The following HDAC4 variants were observed in gnomAD, a reference collection of about 807,000 sequenced individuals.
HDAC4 encodes histone deacetylase A.
A neutral mutation model predicts 135.1 loss-of-function variants in HDAC4; 16 were observed. That is an observed-to-expected ratio of 0.12 (90% CI 0.08 to 0.18). HDAC4 has a LOEUF of 0.18. HDAC4 is among the 10% of genes least tolerant of loss of function. HDAC4 has a pLI of 1.00. For synonymous variants in HDAC4, 685 were observed against 653.4 expected (o/e 1.05, Z -0.74); for missense variants, 1,143 against 1,511.8 (o/e 0.76, Z 4.05).
chr2:239,092,596 G>A (rs1192292060), intron 17 of HDAC4, among the ~76,000 whole-genome samples: 2 of 152,186 alleles, frequency 1.3e-5, no homozygotes, highest in Non-Finnish European at 2.9e-5. Flanking sequence ...AGCTTCTGGA[G>A]TCTTGCACAG....
chr2:239,121,073 T>C (rs2039646873), intron 12 of HDAC4, among the ~76,000 whole-genome samples: 1 of 150,706 alleles, frequency 6.6e-6, no homozygotes, highest in Non-Finnish European at 1.5e-5. Flanking sequence ...TAGGCAGTCC[T>C]CCCACCTCAG....
intron 1 of HDAC4, among the ~76,000 whole-genome samples, chr2:239,392,410 T>C (rs546052607): frequency 1.3e-5 from 2 of 152,282 alleles, no homozygotes; most frequent in Non-Finnish European, 2.9e-5. Flanking sequence ...CCTATGAGGA[T>C]TTTTTCAGTG....
At chr2:239,357,784 G>A (rs1462374510) in intron 1 of HDAC4, among the ~76,000 whole-genome samples, 1 of 151,122 alleles carries the variant, frequency 6.6e-6, no homozygotes, top group Non-Finnish European at 1.5e-5. Context: ...AGCTACTCGG[G>A]AGGCTGAGGT....
At chr2:239,191,004 A>G (rs756150868) in intron 3 of HDAC4, 1 of 464,926 alleles carries the variant, frequency 2.2e-6, no homozygotes, top group Non-Finnish European at 4.4e-6. Context: ...CTCCTGGCAC[A>G]GCCCAGGGAC....
intron 2 of HDAC4, among the ~76,000 whole-genome samples, chr2:239,283,270 G>T (rs1403333900): frequency 6.6e-6 from 1 of 152,218 alleles, no homozygotes; most frequent in Non-Finnish European, 1.5e-5. Flanking sequence ...AGGAACTGAG[G>T]CTTAAGCTAA....
chr2:239,051,072 GAGA>G lies in HDAC4; in HGVS notation c.*2022_*2024del, dbSNP rs1225055264. 4 of 152,686 alleles carry G rather than the reference GAGA, an allele frequency of 2.6e-5. No individual in the cohort carries two copies. Among genetic ancestry groups the G allele is most frequent in the African/African-American group, 9.6e-5 (4 of 41,470 alleles). 9.5% of individuals were successfully genotyped at this position (152,686 alleles called of 1,614,324 possible). ...GAATTCTATCCTGACGATGTGGTCAGAGAAGTTTAAACATGAGTTTCATTAATG... is the reference window on the plus strand; with the variant it reads ...GAATTCTATCCTGACGATGTGGTCAGAGTTTAAACATGAGTTTCATTAATG... On this transcript the variant is annotated 3_prime_UTR_variant, in exon 27 of 27. Coordinates refer to ENST00000543185, the MANE Select transcript of HDAC4 (RefSeq NM_001378414.1).
chr2:239,300,807 C>G (rs1027211521), intron 2 of HDAC4, among the ~76,000 whole-genome samples: 4 of 152,236 alleles, frequency 2.6e-5, no homozygotes, highest in African/African-American at 7.2e-5. Context: ...CATAATTGCA[C>G]GCTGCGTGAT....
At chr2:239,229,785 G>C (rs1337544500) in intron 3 of HDAC4, among the ~76,000 whole-genome samples, 1 of 152,092 alleles carries the variant, frequency 6.6e-6, no homozygotes, top group Non-Finnish European at 1.5e-5. Context: ...TCGTTATGTG[G>C]ATGAGGCCTC....
intron 2 of HDAC4, among the ~76,000 whole-genome samples, chr2:239,243,068 G>A (rs1196795015): frequency 6.9e-6 from 1 of 145,796 alleles, no homozygotes; most frequent in Non-Finnish European, 1.5e-5. Context: ...CTGAAGACTT[G>A]GAGACCTCAG....
intron 20 of HDAC4, 144 bp downstream of exon 20, chr2:239,084,011 T>C (rs2035614008): frequency 2.8e-6 from 2 of 704,888 alleles, no homozygotes; most frequent in African/African-American, 1.8e-5. Flanking sequence ...TTTGGGGCTT[T>C]ACTTCTCCGC....
At chr2:239,067,595 T>G (rs187596462) in intron 23 of HDAC4, among the ~76,000 whole-genome samples, 109 of 152,308 alleles carry the variant, frequency 7.2e-4, no homozygotes, top group African/African-American at 2.6e-3. Flanking sequence ...GGCCGGGTGC[T>G]GTGGGGCGTT....
At chr2:239,058,542 G>A (rs2032211671) in intron 24 of HDAC4, among the ~76,000 whole-genome samples, 1 of 152,188 alleles carries the variant, frequency 6.6e-6, no homozygotes, top group South Asian at 2.1e-4. Flanking sequence ...GAAAACTGAC[G>A]CTAGGCAGGC....
rs542950843 is a variant in HDAC4 at position 239,370,608 on chromosome 2, C to T, written c.-219-17690G>A. On this transcript the variant is annotated intron_variant, in intron 1 of 26. Transcript: ENST00000543185. ...AGGAGGTCATGCACTGTATGGTTAACGGCAACAGATAGTGCAGAGCTGATC... is the reference window on the plus strand; with the variant it reads ...AGGAGGTCATGCACTGTATGGTTAATGGCAACAGATAGTGCAGAGCTGATC... 6.6e-5 allele frequency among the ~76,000 whole-genome samples: 10 copies of T among 152,302 alleles called. No individual in the cohort carries two copies. In the South Asian group the frequency reaches 1.7e-3, roughly 25 times the overall value.
At chr2:239,378,594 A>T (rs972768863) in intron 1 of HDAC4, among the ~76,000 whole-genome samples, 3 of 152,040 alleles carry the variant, frequency 2.0e-5, no homozygotes, top group African/African-American at 7.3e-5. Context: ...CAGGAGCCAG[A>T]GGTGGCCTGA....
intron 1 of HDAC4, among the ~76,000 whole-genome samples, chr2:239,359,295 C>T (rs922006144): frequency 8.5e-5 from 13 of 152,232 alleles, no homozygotes; most frequent in Admixed American, 7.2e-4. Context: ...CGAAAGTTAA[C>T]GGCACTATTT....
At chr2:239,315,237 C>A (rs1017581911) in intron 2 of HDAC4, among the ~76,000 whole-genome samples, 1 of 152,202 alleles carries the variant, frequency 6.6e-6, no homozygotes, top group Non-Finnish European at 1.5e-5. Flanking sequence ...CCTCATGTCT[C>A]CCTAAAAATG....
At chr2:239,282,947 ACAC>A (rs1157869460) in intron 2 of HDAC4, among the ~76,000 whole-genome samples, 5 of 152,028 alleles carry the variant, frequency 3.3e-5, no homozygotes, top group Admixed American at 2.0e-4. Context: ...AACAATGTAC[ACAC>A]CACTCTACAA....
intron 6 of HDAC4, among the ~76,000 whole-genome samples, chr2:239,160,961 G>A (rs550474803): frequency 6.6e-5 from 10 of 152,152 alleles, no homozygotes; most frequent in South Asian, 4.1e-4. Context: ...TCCAGCACCC[G>A]GCCTGTTTCA....
intron 1 of HDAC4, among the ~76,000 whole-genome samples, chr2:239,365,269 T>G (rs1027488691): frequency 1.3e-5 from 2 of 152,254 alleles, no homozygotes; most frequent in African/African-American, 4.8e-5. Context: ...CAGATATTTT[T>G]CCTCCATAAT....
Sources: gnomAD v4.1 joint callset for allele counts (sites outside exome capture counted in the v4.1 genomes callset) on GRCh38, gnomAD v4.1.1 for gene constraint, MANE v1.5 for transcripts, NCBI Gene and HGNC (gene_info 2026-07-23, HGNC 2026-07-21) for gene names.